CPNE4: variants seen among roughly 807,000 people sequenced by gnomAD.
CPNE4 encodes the protein copine 4, also known as copine-4.
In CPNE4, 25 loss-of-function variants were observed where a neutral mutation model predicts 67.9. That is an observed-to-expected ratio of 0.37 (90% CI 0.27 to 0.51). The LOEUF (loss-of-function observed/expected upper bound fraction) is 0.51, where lower values mean the gene tolerates loss of function less well. Among genes scored for constraint, CPNE4 ranks in the 20% least tolerant of loss-of-function variants. CPNE4 has a pLI of 0.93. For synonymous variants in CPNE4, 242 were observed against 244.9 expected, an observed-to-expected ratio of 0.99 and a Z score of 0.11; for missense variants, 464 against 690.8, an observed-to-expected ratio of 0.67 and a Z score of 3.68.
intron 1 of CPNE4, among the ~76,000 whole-genome samples, chr3:131,979,050 G>A (rs774320784): frequency 1.2e-4 from 18 of 152,176 alleles, no homozygotes; most frequent in Non-Finnish European, 2.6e-4. Flanking sequence ...TGTGGTCTGA[G>A]AGAGTGCTTG....
chr3:131,733,313 T>C (rs2082167173), intron 2 of CPNE4, among the ~76,000 whole-genome samples: 2 of 152,202 alleles, frequency 1.3e-5, no homozygotes, highest in Admixed American at 6.5e-5. Flanking sequence ...GAAAAGTCTC[T>C]TCAGTGTGAC....
rs897772048 is a variant in CPNE4, at chr3:131,684,732, C to T, written c.591+1143G>A. On this transcript the variant is annotated intron_variant, in intron 6 of 15. Coordinates refer to ENST00000429747, the MANE Select transcript of CPNE4 (RefSeq NM_130808.3). ...CAAGCATAACTGGGTCTTCTCTCAG[C>T]TCCAAGTAATTCAGCACAAGAATAT... Among the ~76,000 whole-genome samples the T allele has an allele frequency of 9.2e-5, 14 of 152,308 alleles. 1 individual carries two copies. The highest frequency in any genetic ancestry group is 6.5e-4 in the Admixed American group (10 of 15,294).
intron 1 of CPNE4, among the ~76,000 whole-genome samples, chr3:132,005,366 CACACACAT>C (rs199844128): frequency 0.065 from 5,302 of 81,474 alleles, 218 homozygotes; most frequent in Middle Eastern, 0.15. Context: ...CACACACACA[CACACACAT>C]ATATGTTTAT....
intron 2 of CPNE4, among the ~76,000 whole-genome samples, chr3:131,895,168 T>A (rs1481743133): frequency 6.6e-6 from 1 of 151,936 alleles, no homozygotes; most frequent in African/African-American, 2.4e-5. Flanking sequence ...AAAGTTGGTA[T>A]CATAGAAGCA....
At chr3:131,911,783 A>G (rs944645814) in intron 1 of CPNE4, among the ~76,000 whole-genome samples, 1 of 152,098 alleles carries the variant, frequency 6.6e-6, no homozygotes, top group African/African-American at 2.4e-5. Context: ...TCCACAGCTT[A>G]CCTCCTGGTG....
At chr3:131,713,851 C>A (rs1008351444) in intron 3 of CPNE4, among the ~76,000 whole-genome samples, 1 of 152,110 alleles carries the variant, frequency 6.6e-6, no homozygotes, top group Admixed American at 6.5e-5. Context: ...CACCCACAAC[C>A]ACCCTACTTA....
At chr3:131,709,236 A>G (rs1018293920) in intron 3 of CPNE4, among the ~76,000 whole-genome samples, 4 of 152,050 alleles carry the variant, frequency 2.6e-5, no homozygotes, top group Admixed American at 2.6e-4. Context: ...GAAAAACAAT[A>G]AAGCCATTTC....
chr3:131,836,635 A>G (rs1034171234), intron 2 of CPNE4, among the ~76,000 whole-genome samples: 2 of 152,240 alleles, frequency 1.3e-5, no homozygotes, highest in Non-Finnish European at 2.9e-5. Context: ...GAAAAGGAAG[A>G]ATATCTGTCT....
At chr3:131,795,767 G>A (rs1236572007) in intron 2 of CPNE4, among the ~76,000 whole-genome samples, 1 of 152,178 alleles carries the variant, frequency 6.6e-6, no homozygotes, top group Non-Finnish European at 1.5e-5. Context: ...GAATCATGAA[G>A]CTCAGTTGTG....
chr3:131,646,655 T>C (rs2079673709), intron 7 of CPNE4, among the ~76,000 whole-genome samples: 2 of 152,242 alleles, frequency 1.3e-5, no homozygotes, highest in Admixed American at 1.3e-4. Context: ...TTCTTCAAGA[T>C]GTGCTTATAT....
At chr3:131,660,423 G>A (rs2080094219) in intron 7 of CPNE4, among the ~76,000 whole-genome samples, 1 of 152,126 alleles carries the variant, frequency 6.6e-6, no homozygotes, top group South Asian at 2.1e-4. Flanking sequence ...GATGTGTTTT[G>A]AAGAAAAGGG....
At chr3:131,666,094 T>C (rs2080254110) in intron 7 of CPNE4, among the ~76,000 whole-genome samples, 1 of 152,032 alleles carries the variant, frequency 6.6e-6, no homozygotes, top group African/African-American at 2.4e-5. Flanking sequence ...GAAGTGGGTA[T>C]GGCTAGCTGT....
intron 1 of CPNE4, among the ~76,000 whole-genome samples, chr3:131,959,126 A>G (rs558277128): frequency 4.5e-5 from 2 of 44,764 alleles, no homozygotes; most frequent in African/African-American, 1.0e-4. Context: ...TCAGCCTCCC[A>G]AGTAGCTGGG....
intron 2 of CPNE4, among the ~76,000 whole-genome samples, chr3:131,815,537 C>T (rs1382689380): frequency 6.6e-6 from 1 of 152,166 alleles, no homozygotes; most frequent in African/African-American, 2.4e-5. Flanking sequence ...TACAAGGACC[C>T]TGCCATCTAT....
At chr3:131,909,217 A>G (rs2088884637) in intron 1 of CPNE4, among the ~76,000 whole-genome samples, 1 of 152,178 alleles carries the variant, frequency 6.6e-6, no homozygotes, top group African/African-American at 2.4e-5. Context: ...ACAGTAAAAC[A>G]ATGGTGACAG....
chr3:131,647,897 C>T (rs1006550243), intron 7 of CPNE4, among the ~76,000 whole-genome samples: 2 of 152,198 alleles, frequency 1.3e-5, no homozygotes, highest in Non-Finnish European at 2.9e-5. Flanking sequence ...GACTGCATTT[C>T]AGGCCTCTTC....
intron 9 of CPNE4, among the ~76,000 whole-genome samples, chr3:131,577,859 T>TGA (rs1937588084): frequency 1.3e-5 from 2 of 152,182 alleles, no homozygotes; most frequent in African/African-American, 4.8e-5. Flanking sequence ...TACTGTCATA[T>TGA]CGGTGGTCCA....
chr3:131,583,680 A>G (rs1181029807), intron 8 of CPNE4, among the ~76,000 whole-genome samples: 2 of 152,188 alleles, frequency 1.3e-5, no homozygotes, highest in Non-Finnish European at 2.9e-5. Flanking sequence ...AAACCCGTAG[A>G]TACTTGGGGT....
chr3:132,021,585 T>C lies in CPNE4; in HGVS notation c.-2+12982A>G, dbSNP rs541014313. Among the ~76,000 whole-genome samples the C allele has an allele frequency of 1.9e-4, 29 of 152,294 alleles. No homozygotes were observed. The South Asian group carries it at 5.0e-3, about 26-fold the overall frequency. On this transcript the variant is annotated intron_variant, in intron 1 of 15. Transcript: ENST00000429747. ...GAAAGAAGCTATGGACAACGACAGG[T>C]ATGACAGTATTTCTACAAAACTTTA...
Sources: allele counts gnomAD v4.1 joint callset (sites outside exome capture counted in the v4.1 genomes callset), GRCh38; gene constraint gnomAD v4.1.1; transcripts MANE v1.5; gene names NCBI Gene and HGNC (gene_info 2026-07-23, HGNC 2026-07-21).